ABCB1: variants seen among roughly 807,000 people sequenced by gnomAD.
ABCB1 encodes ATP-dependent translocase ABCB1.
ABCB1 carries 69 observed loss-of-function variants against 142.0 expected under a neutral mutation model. That is an observed-to-expected ratio of 0.49 (90% CI 0.40 to 0.59). The LOEUF (loss-of-function observed/expected upper bound fraction) is 0.59, where lower values mean the gene tolerates loss of function less well. ABCB1 is among the 20% of genes least tolerant of loss of function. The probability of loss-of-function intolerance (pLI) is 0.00; values close to 1 mark genes in which losing one functional copy is unlikely to be tolerated. For missense variants in ABCB1, 1,326 were observed against 1,554.7 expected (o/e 0.85, Z 2.47); for synonymous variants, 532 against 539.2 (o/e 0.99, Z 0.18).
chr7:87,550,877 A>G (rs200466677), intron 9 of ABCB1, 39 bp from the exon 10 acceptor site: 2 of 1,314,934 alleles, frequency 1.5e-6, no homozygotes, highest in Non-Finnish European at 2.2e-6. Flanking sequence ...CTACTGAGAT[A>G]GTGACAGCAA....
At chr7:87,629,753 C>T (rs1486558106) in intron 1 of ABCB1, among the ~76,000 whole-genome samples, 5 of 151,698 alleles carry the variant, frequency 3.3e-5, no homozygotes, top group Admixed American at 2.6e-4. Context: ...AGTGAAACCT[C>T]GTCTCTACTA....
chr7:87,697,952 C>T (rs1291585884), intron 1 of ABCB1, among the ~76,000 whole-genome samples: 5 of 151,906 alleles, frequency 3.3e-5, no homozygotes, highest in Admixed American at 3.3e-4. Context: ...ATGAAAAGTG[C>T]CCTAGAGACA....
upstream of ABCB1, chr7:87,602,849 C>T (rs781178834): frequency 3.3e-5 from 5 of 152,206 alleles, no homozygotes; most frequent in Non-Finnish European, 5.9e-5. Context: ...CTACTTTCAA[C>T]AGTCCTTGGT....
intron 23 of ABCB1, among the ~76,000 whole-genome samples, chr7:87,517,336 AGCAT>A (rs1029761383): frequency 3.3e-5 from 5 of 151,696 alleles, no homozygotes; most frequent in African/African-American, 1.2e-4. Context: ...ATGCTTTGTG[AGCAT>A]GCATGCATGT....
intron 1 of ABCB1, among the ~76,000 whole-genome samples, chr7:87,669,039 T>G (rs932243583): frequency 2.2e-5 from 3 of 133,554 alleles, no homozygotes; most frequent in Non-Finnish European, 5.0e-5. Flanking sequence ...TTGTTAATTG[T>G]CTGCCTCAAT....
At chr7:87,668,944 A>G (rs1825549689) in intron 1 of ABCB1, among the ~76,000 whole-genome samples, 1 of 152,104 alleles carries the variant, frequency 6.6e-6, no homozygotes, top group Admixed American at 6.6e-5. Flanking sequence ...AGAAGAATGT[A>G]TATTCTGGTG....
intron 1 of ABCB1, among the ~76,000 whole-genome samples, chr7:87,712,818 A>G (rs780110003): frequency 9.9e-5 from 15 of 152,252 alleles, no homozygotes; most frequent in Middle Eastern, 6.8e-3. Flanking sequence ...TGTCATATAT[A>G]TGTATCTGAT....
At chr7:87,687,267 G>A (rs1379798939) in intron 1 of ABCB1, among the ~76,000 whole-genome samples, 1 of 151,980 alleles carries the variant, frequency 6.6e-6, no homozygotes, top group Non-Finnish European at 1.5e-5. Flanking sequence ...CTACCACAGG[G>A]CACCATTGCA....
At chr7:87,615,691 CAT>C (rs1174625492) in intron 1 of ABCB1, among the ~76,000 whole-genome samples, 1 of 152,160 alleles carries the variant, frequency 6.6e-6, no homozygotes, top group Non-Finnish European at 1.5e-5. Context: ...AAAGGCCTTA[CAT>C]GCCATGATAA....
At chr7:87,525,930 G>A (rs1316257711) in intron 21 of ABCB1, among the ~76,000 whole-genome samples, 2 of 152,088 alleles carry the variant, frequency 1.3e-5, no homozygotes, top group East Asian at 3.9e-4. Context: ...ATCACAGAAG[G>A]GTCCATGTCA....
At chr7:87,510,347 G>A (rs1814953591) in intron 25 of ABCB1, among the ~76,000 whole-genome samples, 1 of 152,210 alleles carries the variant, frequency 6.6e-6, no homozygotes, top group South Asian at 2.1e-4. Flanking sequence ...AAGGGTGAAT[G>A]GAGATCCTCA....
In ABCB1 at chr7:87,504,063, C is replaced by T; in HGVS notation, c.*180G>A. ...CAGTTTAAACTATGATTTCTCTCCA[C>T]TTGATGATGTCTCTCACTCTGTTCC... On this transcript the variant is annotated 3_prime_UTR_variant, in exon 28 of 28. Coordinates refer to ENST00000622132, the MANE Select transcript of ABCB1 (RefSeq NM_001348946.2). 1.4e-6 allele frequency: 1 copy of T among 695,550 alleles called. No individual in the cohort carries two copies. The highest frequency in any genetic ancestry group is 2.4e-6 in the Non-Finnish European group (1 of 418,182). The allele number at this position is 695,550 out of a possible 1,614,324, so 43.1% of individuals were successfully genotyped here. A position where few individuals can be genotyped will look rare whatever the true frequency, so the allele number is the denominator to read the frequency against.
chr7:87,528,792 T>C (rs1277225471), intron 21 of ABCB1, among the ~76,000 whole-genome samples: 1 of 152,206 alleles, frequency 6.6e-6, no homozygotes. Flanking sequence ...CATGAATTAA[T>C]TCAGGTGTCA....
intron 2 of ABCB1, among the ~76,000 whole-genome samples, chr7:87,598,323 C>T (rs1819295155): frequency 6.6e-6 from 1 of 152,066 alleles, no homozygotes; most frequent in African/African-American, 2.4e-5. Flanking sequence ...TAATTGTATA[C>T]AGACTAAATG....
In ABCB1 at chr7:87,650,979, T is replaced by G. The variant is rs768892674; in HGVS notation, c.-330-49901A>C. The G allele has an allele frequency of 1.3e-5, 15 of 1,153,454 alleles. No individual in the cohort carries two copies. In the Admixed American group the frequency reaches 2.7e-4, roughly 21 times the overall value. The allele number at this position is 1,153,454 out of a possible 1,614,324, so 71.5% of individuals were successfully genotyped here. A position where few individuals can be genotyped will look rare whatever the true frequency, so the allele number is the denominator to read the frequency against. On this transcript the variant is annotated intron_variant, in intron 1 of 28. Transcript: ENST00000265724. Reference sequence around the variant, plus strand: ...ACTATTTATTTTCCCACCAGCTGTCTTTATAATAAGCTTGAAATTTTAGAA... The same window carrying G: ...ACTATTTATTTTCCCACCAGCTGTCGTTATAATAAGCTTGAAATTTTAGAA...
At chr7:87,666,020 C>T (rs988369759) in intron 1 of ABCB1, among the ~76,000 whole-genome samples, 1 of 151,956 alleles carries the variant, frequency 6.6e-6, no homozygotes, top group Non-Finnish European at 1.5e-5. Context: ...ATTGCTGGGT[C>T]GAATGGTAGT....
chr7:87,700,369 T>A, intron 1 of ABCB1: 1 of 1,428,554 alleles, frequency 7.0e-7, no homozygotes. Flanking sequence ...CATTTTCAAG[T>A]CTAGTTTTAT....
chr7:87,691,511 T>C (rs1173986453), intron 1 of ABCB1, among the ~76,000 whole-genome samples: 1 of 152,180 alleles, frequency 6.6e-6, no homozygotes, highest in African/African-American at 2.4e-5. Context: ...ACTGTTTCAC[T>C]TTCTTTTAAC....
rs559758524 is a variant in ABCB1, at chr7:87,598,778, T to G, written c.68+1339A>C. ...CTCAAATTGTCCCAGAGTTGGCCAT[T>G]GGAAGCATCTTCCAGACAGCTTCAG... is the stretch of plus-strand genomic sequence containing the variant. On this transcript the variant is annotated intron_variant, in intron 2 of 27. Transcript: ENST00000622132. Among the ~76,000 whole-genome samples the G allele has an allele frequency of 6.9e-4, 105 of 152,346 alleles. 2 individuals carry two copies. The highest frequency in any genetic ancestry group is 6.9e-3 in the Admixed American group (105 of 15,304).
Sources: allele counts gnomAD v4.1 joint callset (sites outside exome capture counted in the v4.1 genomes callset), GRCh38; gene constraint gnomAD v4.1.1; transcripts MANE v1.5; gene names NCBI Gene and HGNC (gene_info 2026-07-23, HGNC 2026-07-21).